The following ITPK1 variants were observed in gnomAD, a reference collection of about 807,000 sequenced individuals.
ITPK1 encodes inositol-tetrakisphosphate 1-kinase.
A neutral mutation model predicts 45.3 loss-of-function variants in ITPK1; 21 were observed. That is an observed-to-expected ratio of 0.46 (90% confidence interval 0.33 to 0.67). ITPK1 has a LOEUF of 0.67. Ranked by LOEUF, ITPK1 falls within the 30% of genes least tolerant of loss-of-function variation. ITPK1 has a pLI of 0.02. For synonymous variants in ITPK1, 258 were observed against 253.6 expected (o/e 1.02, Z -0.16); for missense variants, 474 against 573.5 (o/e 0.83, Z 1.77).
chr14:93,049,354 A>C lies in ITPK1; in HGVS notation c.120+27241T>G, dbSNP rs567592466. On this transcript the variant is annotated intron_variant, in intron 3 of 10. Transcript: ENST00000267615. ...AAACACAGTCGGCTCAGAGGAGGTG[A>C]GGGGACAGAGGGGAAGCCAGGAATG... Among the ~76,000 whole-genome samples, 4 of 152,296 alleles carry C rather than the reference A, an allele frequency of 2.6e-5. No individual in the cohort carries two copies. In the South Asian group the frequency reaches 8.3e-4, roughly 32 times the overall value.
chr14:92,945,236 T>C (rs967754299), intron 10 of ITPK1, among the ~76,000 whole-genome samples: 1 of 152,248 alleles, frequency 6.6e-6, no homozygotes, highest in Non-Finnish European at 1.5e-5. Flanking sequence ...ACCAGCTGAA[T>C]GACAGGAGCC....
chr14:93,023,126 C>T (rs990120751), intron 3 of ITPK1, among the ~76,000 whole-genome samples: 7 of 152,040 alleles, frequency 4.6e-5, no homozygotes, highest in East Asian at 3.9e-4. Context: ...GTGATCTGCC[C>T]GCCTTGGCCT....
rs141838206 is a variant in ITPK1, at chr14:92,995,078, C to T, written c.247-1081G>A. Among the ~76,000 whole-genome samples, 1,045 of 152,282 alleles carry T rather than the reference C, an allele frequency of 6.9e-3. 9 individuals are homozygous for T. Among genetic ancestry groups the T allele is most frequent in the African/African-American group, 0.024 (981 of 41,536 alleles). On this transcript the variant is annotated intron_variant, in intron 4 of 10. Transcript: ENST00000267615. Reference sequence around the variant, plus strand: ...GCCCACCACCACCACCACTGGGAGCCGGGAGAGGGGCAGGGAAGCTTCGCC... The same window carrying T: ...GCCCACCACCACCACCACTGGGAGCTGGGAGAGGGGCAGGGAAGCTTCGCC...
At chr14:92,964,120 T>C (rs956840706) in intron 5 of ITPK1, among the ~76,000 whole-genome samples, 3 of 152,152 alleles carry the variant, frequency 2.0e-5, no homozygotes, top group East Asian at 1.9e-4. Flanking sequence ...TCATCCTCAT[T>C]CCCCCGTTCC....
chr14:92,983,202 G>A (rs901651961), intron 5 of ITPK1, among the ~76,000 whole-genome samples: 1 of 152,218 alleles, frequency 6.6e-6, no homozygotes, highest in Non-Finnish European at 1.5e-5. Flanking sequence ...GCAGTAGCTG[G>A]AAACGTGGGT....
chr14:93,101,982 G>A (rs944674861), intron 2 of ITPK1, among the ~76,000 whole-genome samples: 1 of 152,206 alleles, frequency 6.6e-6, no homozygotes, highest in Non-Finnish European at 1.5e-5. Context: ...CCAGAGACAG[G>A]AGCCACTGCT....
At chr14:93,081,013 A>C (rs923945211) in intron 2 of ITPK1, among the ~76,000 whole-genome samples, 5 of 151,170 alleles carry the variant, frequency 3.3e-5, no homozygotes, top group African/African-American at 1.2e-4. Context: ...CCCAGCCTAC[A>C]ATTTAATAAT....
At chr14:92,997,406 G>A (rs1383291505) in intron 4 of ITPK1, among the ~76,000 whole-genome samples, 1 of 152,170 alleles carries the variant, frequency 6.6e-6, no homozygotes, top group African/African-American at 2.4e-5. Flanking sequence ...ACAAGCAGGC[G>A]TCAACTAGCT....
intron 4 of ITPK1, among the ~76,000 whole-genome samples, chr14:93,001,599 G>A (rs529400881): frequency 2.0e-5 from 3 of 152,126 alleles, no homozygotes; most frequent in Non-Finnish European, 2.9e-5. Flanking sequence ...CTTCCCAGCC[G>A]ACTCTAGGAT....
Position 93,115,271 on chromosome 14 carries a change from A to G in ITPK1, c.-108T>C, listed in dbSNP as rs2140046701. The G allele has an allele frequency of 1.5e-6, 1 of 689,438 alleles. No homozygotes were observed. The highest frequency in any genetic ancestry group is 2.4e-6 in the Non-Finnish European group (1 of 410,236). 42.7% of individuals were successfully genotyped at this position (689,438 alleles called of 1,614,324 possible). A position where few individuals can be genotyped will look rare whatever the true frequency, so the allele number is the denominator to read the frequency against. ...TGGGCACCTCCTCCCGGCGGCGGGGACGCGGAACGGGGATCGGAGCTGGGG... is the reference window on the plus strand; with the variant it reads ...TGGGCACCTCCTCCCGGCGGCGGGGGCGCGGAACGGGGATCGGAGCTGGGG... On this transcript the variant is annotated 5_prime_UTR_variant, in exon 2 of 11. Transcript: ENST00000267615.
At position 93,032,028 on chromosome 14, in the gene ITPK1, C is replaced by G. The variant is rs12436972; in HGVS notation, c.121-15227G>C. Among the ~76,000 whole-genome samples, 2,805 of 152,298 alleles carry G rather than the reference C, an allele frequency of 0.018. 75 individuals are homozygous for G. Among genetic ancestry groups the G allele is most frequent in the African/African-American group, 0.064 (2,649 of 41,552 alleles). ...AATCCGAAGAGAGCATTCCTTGAGG[C>G]AGTTTTCCAAACTGGTATTTGATAT... is the stretch of plus-strand genomic sequence containing the variant. On this transcript the variant is annotated intron_variant, in intron 3 of 10. Coordinates refer to ENST00000267615, the MANE Select transcript of ITPK1 (RefSeq NM_014216.6). The surrounding 1 kb of genome is among the most constrained non-coding windows in gnomAD (Gnocchi z 4.0).
chr14:93,004,340 C>T (rs1407618242), intron 4 of ITPK1, among the ~76,000 whole-genome samples: 1 of 152,264 alleles, frequency 6.6e-6, no homozygotes, highest in Non-Finnish European at 1.5e-5. Flanking sequence ...AGGCCATTTC[C>T]TCACTCCTTC....
At chr14:93,028,083 A>G (rs909800072) in intron 3 of ITPK1, among the ~76,000 whole-genome samples, 7 of 152,198 alleles carry the variant, frequency 4.6e-5, no homozygotes, top group African/African-American at 1.7e-4. Context: ...CCACACGCCC[A>G]ACATGCCCTG....
At chr14:93,027,630 C>T (rs929905016) in intron 3 of ITPK1, among the ~76,000 whole-genome samples, 1 of 152,198 alleles carries the variant, frequency 6.6e-6, no homozygotes, top group Non-Finnish European at 1.5e-5. Flanking sequence ...CATGTGCACG[C>T]ACGTGGACAA....
intron 10 of ITPK1, 86 bp downstream of exon 10, chr14:92,946,245 G>T: frequency 6.7e-7 from 1 of 1,486,222 alleles, no homozygotes; most frequent in Non-Finnish European, 9.3e-7. Flanking sequence ...TGGCTTTCTG[G>T]CCTCAGTCAC....
rs1024514863 is a variant in ITPK1, at chr14:93,016,819, C to A, written c.121-18G>T. Reference sequence around the variant, plus strand: ...AGGTTCAGCTGTGAGGCAGGGAACACAGACAAAAGCAACAACTTCAGCACC... The same window carrying A: ...AGGTTCAGCTGTGAGGCAGGGAACAAAGACAAAAGCAACAACTTCAGCACC... On this transcript the variant is annotated intron_variant, in intron 3 of 10. Coordinates refer to ENST00000267615, the MANE Select transcript of ITPK1 (RefSeq NM_014216.6). The surrounding 1 kb of genome is among the most constrained non-coding windows in gnomAD (Gnocchi z 5.0). The A allele has an allele frequency of 3.1e-6, 5 of 1,612,728 alleles. No individual in the cohort carries two copies. In the East Asian group the frequency reaches 1.1e-4, roughly 36 times the overall value.
intron 3 of ITPK1, among the ~76,000 whole-genome samples, chr14:93,050,337 C>G (rs1426514762): frequency 6.6e-6 from 1 of 152,172 alleles, no homozygotes; most frequent in Non-Finnish European, 1.5e-5. Flanking sequence ...CTTCCACTCC[C>G]CTACCTGGCT....
chr14:93,034,279 C>T lies in ITPK1; in HGVS notation c.121-17478G>A, dbSNP rs1459199367. Among the ~76,000 whole-genome samples the T allele has an allele frequency of 2.0e-5, 3 of 151,654 alleles. 1 individual carries two copies. Among genetic ancestry groups the T allele is most frequent in the South Asian group, 4.2e-4 (2 of 4,772 alleles). ...CCACCCACCCCCAACACTCCCCCAC[C>T]CCCTGTCGGAGCAGGAAGATGCTCT... is the stretch of plus-strand genomic sequence containing the variant. On this transcript the variant is annotated intron_variant, in intron 3 of 10. Coordinates refer to ENST00000267615, the MANE Select transcript of ITPK1 (RefSeq NM_014216.6). The surrounding 1 kb of genome is among the most constrained non-coding windows in gnomAD (Gnocchi z 4.1).
At chr14:93,102,095 C>A (rs981720442) in intron 2 of ITPK1, among the ~76,000 whole-genome samples, 1 of 152,272 alleles carries the variant, frequency 6.6e-6, no homozygotes, top group African/African-American at 2.4e-5. Flanking sequence ...CCTAACCCTC[C>A]ACACTACAGG....
Sources: gnomAD v4.1 joint callset for allele counts (sites outside exome capture counted in the v4.1 genomes callset) on GRCh38, gnomAD v4.1.1 for gene constraint, Gnocchi (gnomAD v3.1) non-coding constraint, MANE v1.5 for transcripts, NCBI Gene and HGNC (gene_info 2026-07-23, HGNC 2026-07-21) for gene names.